The following ABCA13 variants were observed in gnomAD, a reference collection of about 807,000 sequenced individuals.
ABCA13 encodes ATP-binding cassette sub-family A member 13.
Under a neutral mutation model 478.7 loss-of-function variants are expected in ABCA13, and 476 were observed. The ratio of observed to expected loss-of-function variants is 0.99; its 90% CI spans 0.92 to 1.07. The LOEUF (loss-of-function observed/expected upper bound fraction) is 1.07. Among genes scored for constraint, ABCA13 ranks in the 50% least tolerant of loss-of-function variants. The pLI is 0.00. For synonymous variants in ABCA13, 2,252 were observed against 2,158.9 expected, an observed-to-expected ratio of 1.04 and a Z score of -1.20; for missense variants, 6,060 against 5,910.6, an observed-to-expected ratio of 1.03 and a Z score of -0.83.
At chr7:48,290,247 T>C (rs1425040332) in intron 20 of ABCA13, among the ~76,000 whole-genome samples, 2 of 152,204 alleles carry the variant, frequency 1.3e-5, no homozygotes, top group African/African-American at 2.4e-5. Flanking sequence ...TGGGCTAAGC[T>C]GAGTTGGAGA....
rs566403279 is a variant in ABCA13 at position 48,466,736 on chromosome 7, C to G, written c.12816-220C>G. Among the ~76,000 whole-genome samples, 6 of 152,280 alleles carry G rather than the reference C, an allele frequency of 3.9e-5. No homozygotes were observed. The South Asian group carries it at 6.2e-4, about 16-fold the overall frequency. ...AATGTGAGTCTATAAAAATGCATAT[C>G]TGATGGCAAAACTATACTTGTAATA... On this transcript the variant is annotated intron_variant, in intron 43 of 61. Transcript: ENST00000435803.
chr7:48,554,310 T>A (rs1040775339), intron 55 of ABCA13, among the ~76,000 whole-genome samples: 5 of 152,038 alleles, frequency 3.3e-5, no homozygotes, highest in African/African-American at 1.2e-4. Flanking sequence ...CTATTTTGGG[T>A]CTTTTGTGGT....
chr7:48,214,993 CA>C (rs1297143816), intron 3 of ABCA13, among the ~76,000 whole-genome samples: 2 of 152,126 alleles, frequency 1.3e-5, no homozygotes, highest in African/African-American at 4.8e-5. Context: ...CAGCTTTTAA[CA>C]TGCTTTCCTC....
At chr7:48,258,064 C>A (rs1464493910) in intron 15 of ABCA13, among the ~76,000 whole-genome samples, 1 of 152,154 alleles carries the variant, frequency 6.6e-6, no homozygotes, top group African/African-American at 2.4e-5. Context: ...TCTGGAACTA[C>A]AGGCATGTGC....
chr7:48,354,638 G>T (rs141743541), intron 31 of ABCA13, among the ~76,000 whole-genome samples: 4 of 152,136 alleles, frequency 2.6e-5, no homozygotes, highest in East Asian at 1.9e-4. Context: ...CTACTACTGG[G>T]ATACAGCAAT....
At chr7:48,311,017 T>C (rs10252202) in intron 24 of ABCA13, among the ~76,000 whole-genome samples, 112,669 of 151,904 alleles carry the variant, frequency 0.74, 42,654 homozygotes, top group East Asian at 0.99. Flanking sequence ...GCTTCCCCTC[T>C]TACCCTTAGG....
Position 48,367,829 on chromosome 7 carries a change from T to A in ABCA13, c.10724T>A (p.Ile3575Lys). ...AACGTTGGTTTCTTTTTTCCACTGATAATGATGCTGACGTGGATGGTGTCT... is the reference window on the plus strand; with the variant it reads ...AACGTTGGTTTCTTTTTTCCACTGAAAATGATGCTGACGTGGATGGTGTCT... Reference protein sequence around the residue: ...LNNVGFFFPLIMMLTWMVSVA... With the variant: ...LNNVGFFFPLKMMLTWMVSVA... The change falls in exon 32 of 62, where the codon ATA becomes AAA. Residue 3575 changes from isoleucine to lysine, a missense_variant. Around this residue, in one of 3 missense-constraint regions of ABCA13, gnomAD observed 4,423 missense variants for 4,309.1 expected, o/e 1.03. Coordinates refer to ENST00000435803, the MANE Select transcript of ABCA13 (RefSeq NM_152701.5). 2 of 1,577,050 alleles carry A rather than the reference T, an allele frequency of 1.3e-6. No homozygotes were observed. Among genetic ancestry groups the A allele is most frequent in the Non-Finnish European group, 1.7e-6 (2 of 1,160,008 alleles).
chr7:48,518,939 C>T (rs954701879), intron 52 of ABCA13, among the ~76,000 whole-genome samples: 8 of 152,122 alleles, frequency 5.3e-5, no homozygotes, highest in East Asian at 1.9e-4. Flanking sequence ...CATGCATTAG[C>T]TATTTTTCGT....
intron 1 of ABCA13, among the ~76,000 whole-genome samples, chr7:48,184,271 A>G (rs1435745861): frequency 1.3e-5 from 2 of 152,140 alleles, no homozygotes; most frequent in Non-Finnish European, 2.9e-5. Context: ...GTTCAATTCT[A>G]TCATTTCCTA....
Position 48,431,810 on chromosome 7 carries a change from G to A in ABCA13, c.12565+3939G>A, listed in dbSNP as rs142426181. Among the ~76,000 whole-genome samples the A allele has an allele frequency of 5.2e-4, 79 of 152,232 alleles. No homozygotes were observed. In the East Asian group the frequency reaches 0.014, roughly 26 times the overall value. On this transcript the variant is annotated intron_variant, in intron 42 of 61. Coordinates refer to ENST00000435803, the MANE Select transcript of ABCA13 (RefSeq NM_152701.5). ...CAGTGCTGGCACTATACCTGATGAAGCAGTTTTCGCAAACACTTTGTGAAA... is the reference window on the plus strand; with the variant it reads ...CAGTGCTGGCACTATACCTGATGAAACAGTTTTCGCAAACACTTTGTGAAA...
At chr7:48,543,073 C>A (rs1335901087) in intron 55 of ABCA13, among the ~76,000 whole-genome samples, 3 of 151,654 alleles carry the variant, frequency 2.0e-5, no homozygotes, top group Non-Finnish European at 4.4e-5. Context: ...TTGGTATTTT[C>A]TATCCCTCAA....
chr7:48,311,141 C>A (rs1801715396), intron 24 of ABCA13, among the ~76,000 whole-genome samples: 1 of 152,042 alleles, frequency 6.6e-6, no homozygotes, highest in South Asian at 2.1e-4. Flanking sequence ...TGTAGGCACC[C>A]TGAGTTTGGG....
chr7:48,588,211 A>C (rs185273561), intron 57 of ABCA13, among the ~76,000 whole-genome samples: 24 of 152,350 alleles, frequency 1.6e-4, no homozygotes, highest in Middle Eastern at 6.8e-3. Context: ...TTGCTTTTGC[A>C]ATGTCCAAAT....
chr7:48,423,825 T>G (rs1303527533), intron 41 of ABCA13, among the ~76,000 whole-genome samples: 1 of 152,254 alleles, frequency 6.6e-6, no homozygotes, highest in Non-Finnish European at 1.5e-5. Context: ...TTACTTTGTG[T>G]GATGAATTTA....
chr7:48,330,598 T>C (rs1288041401), intron 27 of ABCA13, among the ~76,000 whole-genome samples: 2 of 144,418 alleles, frequency 1.4e-5, no homozygotes, highest in Non-Finnish European at 3.1e-5. Context: ...TTCATGCATC[T>C]ATTCATCCAT....
chr7:48,271,679 A>T, intron 16 of ABCA13, 108 bp from the exon 17 acceptor site: 1 of 658,210 alleles, frequency 1.5e-6, no homozygotes. Flanking sequence ...TTGTCTATTA[A>T]ATGTTTCATT....
At chr7:48,438,545 A>G (rs1486241250) in intron 42 of ABCA13, among the ~76,000 whole-genome samples, 1 of 149,246 alleles carries the variant, frequency 6.7e-6, no homozygotes, top group Non-Finnish European at 1.5e-5. Flanking sequence ...ACGTTTGAGC[A>G]GAAGGTTCTG....
intron 42 of ABCA13, among the ~76,000 whole-genome samples, chr7:48,445,633 C>A (rs1482542911): frequency 6.6e-6 from 1 of 152,160 alleles, no homozygotes; most frequent in Non-Finnish European, 1.5e-5. Context: ...CTTCAACTTG[C>A]CAGACCAAGT....
Position 48,372,357 on chromosome 7 carries a change from A to C in ABCA13, c.10993A>C (p.Ser3665Arg), listed in dbSNP as rs547123957. Residue 3665 changes from serine (S) to arginine (R), a missense_variant, in exon 33 of 62, where the codon AGC becomes CGC. This residue lies in a region of ABCA13 where 4,423 missense variants were observed against 4,309.1 expected (regional missense o/e 1.03). Transcript: ENST00000435803. ...LDFGMSVVML[S>R]YLLSAFFSQA... ...TTTTGGGATGTCAGTCGTCATGCTG[A>C]GCTACCTCTTGAGTGCATTTTTCAG... 6.2e-7 allele frequency: 1 copy of C among 1,613,888 alleles called. No homozygotes were observed. The highest frequency in any genetic ancestry group is 2.2e-5 in the East Asian group (1 of 44,878).
Sources: allele counts gnomAD v4.1 joint callset (sites outside exome capture counted in the v4.1 genomes callset), GRCh38; gene constraint gnomAD v4.1.1; regional missense constraint gnomAD v4.1.1; transcripts MANE v1.5; gene names NCBI Gene and HGNC (gene_info 2026-07-23, HGNC 2026-07-21).